Variants in SHC2 observed in about 807,000 individuals in gnomAD.
SHC2 encodes the protein SHC-transforming protein 2.
In SHC2, 62 loss-of-function variants were observed where a neutral mutation model predicts 60.6. The observed-to-expected ratio is 1.02, with a 90% CI of 0.83 to 1.26. The LOEUF (loss-of-function observed/expected upper bound fraction) is 1.26, where lower values mean the gene tolerates loss of function less well. SHC2 is among the 50% of genes most tolerant of loss of function. The pLI is 0.00. For missense variants in SHC2, 873 were observed against 822.2 expected, an observed-to-expected ratio of 1.06 and a Z score of -0.76; for synonymous variants, 375 against 372.4, an observed-to-expected ratio of 1.01 and a Z score of -0.08.
At chr19:456,685 G>A (rs2145758114) in intron 1 of SHC2, among the ~76,000 whole-genome samples, 1 of 145,378 alleles carries the variant, frequency 6.9e-6, no homozygotes, top group East Asian at 2.0e-4. Flanking sequence ...TCCCTGCGTG[G>A]GGCCTTTGCA....
At chr19:452,920 C>T (rs956371979) in intron 1 of SHC2, among the ~76,000 whole-genome samples, 12 of 152,174 alleles carry the variant, frequency 7.9e-5, no homozygotes, top group Admixed American at 1.3e-4. Context: ...TTGGTGGCCC[C>T]GTTCCCTTCC....
At chr19:450,566 T>A (rs1027289194) in intron 1 of SHC2, among the ~76,000 whole-genome samples, 5 of 152,206 alleles carry the variant, frequency 3.3e-5, no homozygotes, top group Non-Finnish European at 5.9e-5. Flanking sequence ...TGGGGACCTC[T>A]GATGGGTGGA....
At chr19:436,493 C>T in intron 5 of SHC2, 62 bp from the exon 6 acceptor site, 1 of 1,596,292 alleles carries the variant, frequency 6.3e-7, no homozygotes, top group Non-Finnish European at 8.5e-7. Context: ...CCCAGCTGCC[C>T]ACCCCAGCAA....
At chr19:418,437 G>A (rs995600463) in intron 12 of SHC2, among the ~76,000 whole-genome samples, 8 of 152,236 alleles carry the variant, frequency 5.3e-5, no homozygotes, top group African/African-American at 1.2e-4. Flanking sequence ...GGCTCACGGC[G>A]GCCAAAAGGC....
At chr19:437,392 A>G (rs966002445) in intron 4 of SHC2, among the ~76,000 whole-genome samples, 1 of 151,764 alleles carries the variant, frequency 6.6e-6, no homozygotes, top group African/African-American at 2.4e-5. Context: ...GCTTGTTTGC[A>G]TGCTCATTTG....
chr19:439,330 C>G, intron 2 of SHC2: 1 of 491,810 alleles, frequency 2.0e-6, no homozygotes, highest in South Asian at 2.5e-5. Context: ...CCAGCTCTGG[C>G]CCCTCTACCA....
intron 1 of SHC2, among the ~76,000 whole-genome samples, chr19:457,991 G>A (rs1169100019): frequency 5.3e-5 from 8 of 151,106 alleles, no homozygotes; most frequent in Non-Finnish European, 1.2e-4. Context: ...GGCGGAAGCC[G>A]GTCCCGGGGA....
In SHC2 at chr19:430,755, C is replaced by CA; in HGVS notation, c.1111-9dup. 1 of 1,612,896 alleles carries CA rather than the reference C, an allele frequency of 6.2e-7. No homozygotes were observed. Among genetic ancestry groups the CA allele is most frequent in the Middle Eastern group, 1.7e-4 (1 of 5,994 alleles). Reference sequence around the variant, plus strand: ...TAGAGAAGGAGATGGGCCCTGGAAACAGAGCAGTGAGAGGTTCCCCGGTGT... The same window carrying CA: ...TAGAGAAGGAGATGGGCCCTGGAAACAAGAGCAGTGAGAGGTTCCCCGGTGT... On this transcript the variant is annotated splice_polypyrimidine_tract_variant and intron_variant, in intron 8 of 12. Coordinates refer to ENST00000264554, the MANE Select transcript of SHC2 (RefSeq NM_012435.3).
rs1282223347 is a variant in SHC2, at chr19:440,862, C to G, written c.539G>C (p.Arg180Thr). Residue 180 changes from arginine to threonine, a missense_variant and splice_region_variant, in exon 2 of 13, where the codon AGG becomes ACG. Coordinates refer to ENST00000264554, the MANE Select transcript of SHC2 (RefSeq NM_012435.3). This position sits in a 1 kb window ranked among gnomAD's most constrained non-coding sequence, Gnocchi z 7.0. ...GGCCAGGGCAGGGTTGGAGGCTCAC[C>G]TGGTCACCTGCGTGCGCGTGTTAAA... ...LDFNTRTQVT[R>T]EAINRLHEAV... 1.9e-6 allele frequency: 3 copies of G among 1,612,562 alleles called. No individual in the cohort carries two copies. The highest frequency in any genetic ancestry group is 2.2e-5 in the East Asian group (1 of 44,870).
chr19:430,646 TC>T, intron 9 of SHC2, 37 bp downstream of exon 9: 1 of 1,584,250 alleles, frequency 6.3e-7, no homozygotes, highest in African/African-American at 1.3e-5. Flanking sequence ...AGCCCCAGAA[TC>T]CTCGTGGGTA....
chr19:434,680 T>TC, intron 8 of SHC2, 29 bp downstream of exon 8: 1 of 1,574,316 alleles, frequency 6.4e-7, no homozygotes. Context: ...GGCATCCCTG[T>TC]CCCCATCCCC....
chr19:458,435 GTC>G (rs1176792923), intron 1 of SHC2, among the ~76,000 whole-genome samples: 17 of 121,390 alleles, frequency 1.4e-4, no homozygotes, highest in Non-Finnish European at 3.0e-4. Flanking sequence ...GCAGAAGCGG[GTC>G]TTGGGGAGGC....
intron 12 of SHC2, among the ~76,000 whole-genome samples, chr19:417,649 C>CT (rs1397987391): frequency 6.6e-5 from 10 of 152,270 alleles, no homozygotes; most frequent in Admixed American, 6.5e-4. Context: ...TCATTACTGC[C>CT]TTCCAGGTTA....
intron 4 of SHC2, among the ~76,000 whole-genome samples, chr19:437,200 T>TTGCTCGTTTGCGTGGTCATCTGCG (rs1485298662): frequency 6.6e-6 from 1 of 151,488 alleles, no homozygotes; most frequent in Admixed American, 6.6e-5. Flanking sequence ...GCTCATCTAC[T>TTGCTCGTTTGCGTGGTCATCTGCG]TGCTCGTTTG....
intron 1 of SHC2, among the ~76,000 whole-genome samples, chr19:447,074 T>C (rs575920103): frequency 3.3e-5 from 5 of 152,312 alleles, no homozygotes; most frequent in South Asian, 4.1e-4. Context: ...AGGAAACAAC[T>C]AAAATATCTA....
intron 1 of SHC2, among the ~76,000 whole-genome samples, chr19:456,060 G>A (rs1158804488): frequency 2.0e-5 from 3 of 152,186 alleles, no homozygotes; most frequent in African/African-American, 4.8e-5. Context: ...CCTCAGCCCC[G>A]GGTTCTGGTC....
chr19:459,164 G>A (rs1004995395), intron 1 of SHC2, among the ~76,000 whole-genome samples: 1 of 152,076 alleles, frequency 6.6e-6, no homozygotes, highest in Non-Finnish European at 1.5e-5. Context: ...GGAATTGTAG[G>A]GGGACCCTTC....
At chr19:430,850 T>A (rs1974569455) in intron 8 of SHC2, 103 bp from the exon 9 acceptor site, 1 of 1,078,918 alleles carries the variant, frequency 9.3e-7, no homozygotes. Flanking sequence ...GCTGGAGACT[T>A]AGGGGTGGGG....
rs1568302398 is a variant in SHC2, at chr19:460,666, G to GCGCGC, written c.330_331insGCGCG (p.Arg111AlafsTer70). On this transcript the variant is annotated frameshift_variant, in exon 1 of 13. Coordinates refer to ENST00000264554, the MANE Select transcript of SHC2 (RefSeq NM_012435.3). LOFTEE classifies it high-confidence loss of function. ...GCGTCCCCGGACCCCGCCGCCCCCC[G>GCGCGC]CCCGCCCCGCGACCCCCGCGACCCC... The GCGCGC allele has an allele frequency of 6.3e-6, 7 of 1,114,404 alleles. No individual in the cohort carries two copies. The highest frequency in any genetic ancestry group is 5.2e-5 in the Admixed American group (1 of 19,288). 69.0% of individuals were successfully genotyped at this position (1,114,404 alleles called of 1,614,324 possible). A position where few individuals can be genotyped will look rare whatever the true frequency, so the allele number is the denominator to read the frequency against.
Sources: allele counts gnomAD v4.1 joint callset (sites outside exome capture counted in the v4.1 genomes callset), GRCh38; gene constraint gnomAD v4.1.1; non-coding constraint Gnocchi (gnomAD v3.1); transcripts MANE v1.5; gene names NCBI Gene and HGNC (gene_info 2026-07-23, HGNC 2026-07-21).